OR14I1: variants seen among roughly 807,000 people sequenced by gnomAD.
OR14I1 encodes the protein olfactory receptor 14I1.
For synonymous variants in OR14I1, 118 were observed against 71.1 expected (o/e 1.66, Z -3.32); for missense variants, 279 against 181.8 (o/e 1.53, Z -3.07).
At chr1:248,682,970 T>G (rs940230113), upstream of OR14I1, among the ~76,000 whole-genome samples, 1 of 152,236 alleles carries the variant, frequency 6.6e-6, no homozygotes, top group Admixed American at 6.5e-5. Context: ...CCATTACCCA[T>G]GTGTTGCACC....
At chr1:248,691,967 G>A in the OR14I1 span, among the ~76,000 whole-genome samples, 1 of 152,218 alleles carries the variant, frequency 6.6e-6, no homozygotes, top group Admixed American at 6.5e-5. Context: ...TCCAGAGGCC[G>A]AGCTCACAGC....
chr1:248,688,418 CAG>C, the OR14I1 span, among the ~76,000 whole-genome samples: 1 of 152,176 alleles, frequency 6.6e-6, no homozygotes, highest in East Asian at 1.9e-4. Context: ...TCAAAATAAG[CAG>C]GTGAAAATAG....
the OR14I1 span, among the ~76,000 whole-genome samples, chr1:248,695,163 G>A: frequency 1.4e-5 from 2 of 143,650 alleles, no homozygotes; most frequent in Admixed American, 1.4e-4. Flanking sequence ...TCGTTATTTT[G>A]TCTTTTAATT....
At chr1:248,684,772 A>G (rs1661617665), upstream of OR14I1, among the ~76,000 whole-genome samples, 1 of 151,920 alleles carries the variant, frequency 6.6e-6, no homozygotes, top group Admixed American at 6.6e-5. Context: ...ATATATATAT[A>G]TATATACACA....
At chr1:248,693,048 C>G in the OR14I1 span, among the ~76,000 whole-genome samples, 61 of 152,336 alleles carry the variant, frequency 4.0e-4, no homozygotes, top group African/African-American at 1.3e-3. Flanking sequence ...TGAGCAGCCT[C>G]TAACTCTCCC....
chr1:248,702,442 C>T, the OR14I1 span, among the ~76,000 whole-genome samples: 1 of 152,178 alleles, frequency 6.6e-6, no homozygotes, highest in Non-Finnish European at 1.5e-5. Context: ...TTTATTGTCC[C>T]TCTTTTCTCA....
downstream of OR14I1, among the ~76,000 whole-genome samples, chr1:248,680,968 G>A (rs28680427): frequency 0.025 from 62 of 2,488 alleles, 1 homozygote; most frequent in South Asian, 0.42. Context: ...AACTGTGTGC[G>A]TGTGTGTGTG....
the OR14I1 span, among the ~76,000 whole-genome samples, chr1:248,690,497 T>C: frequency 6.7e-6 from 1 of 148,448 alleles, no homozygotes; most frequent in African/African-American, 2.5e-5. Flanking sequence ...GATAAATTCC[T>C]GGACACATAC....
the OR14I1 span, among the ~76,000 whole-genome samples, chr1:248,699,914 C>T: frequency 3.7e-4 from 57 of 152,140 alleles, no homozygotes; most frequent in Admixed American, 1.4e-3. Flanking sequence ...CGTGCCACCA[C>T]GCCCAGCTAA....
the OR14I1 span, among the ~76,000 whole-genome samples, chr1:248,698,102 G>T: frequency 3.3e-5 from 5 of 152,152 alleles, no homozygotes; most frequent in Non-Finnish European, 7.3e-5. Flanking sequence ...TCCTGCTGAC[G>T]CTGGGGAGCT....
At chr1:248,679,592 T>C (rs949309083), downstream of OR14I1, among the ~76,000 whole-genome samples, 5 of 152,196 alleles carry the variant, frequency 3.3e-5, no homozygotes, top group African/African-American at 1.2e-4. Flanking sequence ...TAAAATTCCC[T>C]TAAAATAGTC....
the OR14I1 span, among the ~76,000 whole-genome samples, chr1:248,690,923 C>T: frequency 6.6e-6 from 1 of 152,116 alleles, no homozygotes; most frequent in African/African-American, 2.4e-5. Flanking sequence ...CCCTGGGATG[C>T]AAGGCTGGTA....
At chr1:248,678,728 T>A (rs758354962), downstream of OR14I1, among the ~76,000 whole-genome samples, 1 of 152,188 alleles carries the variant, frequency 6.6e-6, no homozygotes, top group Non-Finnish European at 1.5e-5. Context: ...ATTTTCAGAT[T>A]TCTTTTTTTA....
chr1:248,687,013 C>T (rs1287124719), upstream of OR14I1, among the ~76,000 whole-genome samples: 8 of 152,124 alleles, frequency 5.3e-5, no homozygotes, highest in Non-Finnish European at 7.4e-5. Context: ...GCCTGGGGGA[C>T]GCTGGTCTCA....
the OR14I1 span, among the ~76,000 whole-genome samples, chr1:248,696,403 G>A: frequency 6.6e-6 from 1 of 151,980 alleles, no homozygotes; most frequent in African/African-American, 2.4e-5. Context: ...TCTTTTACTG[G>A]AACAGCCAAG....
At chr1:248,696,603 C>A in the OR14I1 span, among the ~76,000 whole-genome samples, 1 of 152,190 alleles carries the variant, frequency 6.6e-6, no homozygotes, top group Non-Finnish European at 1.5e-5. Context: ...GTGACCTTTA[C>A]TTGTAAGACC....
the OR14I1 span, among the ~76,000 whole-genome samples, chr1:248,694,995 A>G: frequency 1.3e-5 from 2 of 152,148 alleles, no homozygotes; most frequent in South Asian, 4.1e-4. Context: ...TTTTAATTAC[A>G]TTTTATTTTA....
exon 1 of OR14I1, chr1:248,682,042 C>T: frequency 2.6e-6 from 2 of 781,028 alleles, no homozygotes; most frequent in Non-Finnish European, 2.4e-6. Flanking sequence ...AGAGATGGAG[C>T]TTCTGCGAGT....
At chr1:248,698,741 T>A in the OR14I1 span, 1 of 152,242 alleles carries the variant, frequency 6.6e-6, no homozygotes, top group Non-Finnish European at 1.5e-5. Context: ...CCCTGTCAGA[T>A]GGATCACACC....
Sources: gnomAD v4.1 joint callset for allele counts (sites outside exome capture counted in the v4.1 genomes callset) on GRCh38, gnomAD v4.1.1 for gene constraint, MANE v1.5 for transcripts, NCBI Gene and HGNC (gene_info 2026-07-23, HGNC 2026-07-21) for gene names.